TENM4: variants seen among roughly 807,000 people sequenced by gnomAD.
The protein encoded by TENM4 is teneurin-4.
In TENM4, 82 loss-of-function variants were observed where a neutral mutation model predicts 243.3. The ratio of observed to expected loss-of-function variants is 0.34; its 90% CI spans 0.28 to 0.40. TENM4 has a LOEUF of 0.40. Among genes scored for constraint, TENM4 ranks in the 10% least tolerant of loss-of-function variants. The pLI is 1.00. For missense variants in TENM4, 3,138 were observed against 3,673.3 expected, an observed-to-expected ratio of 0.85 and a Z score of 3.77; for synonymous variants, 1,412 against 1,456.3, an observed-to-expected ratio of 0.97 and a Z score of 0.69.
intron 2 of TENM4, among the ~76,000 whole-genome samples, chr11:79,222,488 A>ATAGAATGAT (rs1864181534): frequency 6.6e-6 from 1 of 152,198 alleles, no homozygotes; most frequent in Non-Finnish European, 1.5e-5. Context: ...TATCTTTATA[A>ATAGAATGAT]TAGAATGATT....
intron 4 of TENM4, among the ~76,000 whole-genome samples, chr11:79,099,066 G>A (rs529663666): frequency 1.3e-5 from 2 of 152,188 alleles, no homozygotes; most frequent in East Asian, 1.9e-4. Flanking sequence ...CCTGACTTAC[G>A]GTAACTCACC....
chr11:79,255,064 G>C lies in TENM4; in HGVS notation c.-264-39155C>G, dbSNP rs529714180. ...TCCCACTGGGCTTGTGGGGGCATGG[G>C]CAGCAGCCCCGCTGGGTGACCAGAA... On this transcript the variant is annotated intron_variant, in intron 2 of 33. Coordinates refer to ENST00000278550, the MANE Select transcript of TENM4 (RefSeq NM_001098816.3). Among the ~76,000 whole-genome samples the C allele has an allele frequency of 6.3e-4, 96 of 152,326 alleles. 2 individuals carry two copies. The highest frequency in any genetic ancestry group is 2.2e-3 in the African/African-American group (93 of 41,584).
In TENM4 at chr11:79,130,429, T is replaced by C. The variant is rs140853695; in HGVS notation, c.-66+18281A>G. 2.9e-3 allele frequency among the ~76,000 whole-genome samples: 443 copies of C among 151,118 alleles called. 3 individuals carry two copies. The highest frequency in any genetic ancestry group is 0.01 in the African/African-American group (416 of 41,076). ...AAAAAGAAGTCAGGAGGTTAGTCAT[T>C]AAGCTAATCAGGGAGGGACCAGAGA... On this transcript the variant is annotated intron_variant, in intron 4 of 33. Coordinates refer to ENST00000278550, the MANE Select transcript of TENM4 (RefSeq NM_001098816.3).
chr11:79,041,107 T>C (rs1168151853), intron 6 of TENM4, among the ~76,000 whole-genome samples: 1 of 151,896 alleles, frequency 6.6e-6, no homozygotes, highest in African/African-American at 2.4e-5. Flanking sequence ...TCTGTCACCT[T>C]GGCTGGCGTG....
intron 6 of TENM4, among the ~76,000 whole-genome samples, chr11:78,990,083 A>T (rs981818084): frequency 2.3e-4 from 35 of 151,534 alleles, no homozygotes; most frequent in Non-Finnish European, 3.4e-4. Context: ...AAAAAAGATG[A>T]TTTGGCATTT....
chr11:79,081,559 G>GTGTGTGTGTGTGTA (rs1287579507), intron 4 of TENM4, among the ~76,000 whole-genome samples: 6 of 151,602 alleles, frequency 4.0e-5, no homozygotes, highest in Non-Finnish European at 8.8e-5. Flanking sequence ...GTGTGTGTGT[G>GTGTGTGTGTGTGTA]TGCATGCACA....
At chr11:78,905,203 A>C (rs1466936272) in intron 6 of TENM4, among the ~76,000 whole-genome samples, 2 of 152,210 alleles carry the variant, frequency 1.3e-5, no homozygotes, top group East Asian at 3.8e-4. Flanking sequence ...AAGAATCAGA[A>C]AGAACAGCAA....
rs1307102945 is a variant in TENM4 at position 78,977,143 on chromosome 11, T to C, written c.494-73620A>G. 5.9e-5 allele frequency among the ~76,000 whole-genome samples: 9 copies of C among 152,208 alleles called. No homozygotes were observed. In the South Asian group the frequency reaches 1.7e-3, roughly 28 times the overall value. On this transcript the variant is annotated intron_variant, in intron 6 of 33. Transcript: ENST00000278550. ...CTGTCATCTCTGGCATTCCCTGGCT[T>C]GCAGCTGCATCACTCCAGTTTCTGC...
Position 78,874,958 on chromosome 11 carries a change from G to A in TENM4, c.1085-11826C>T, listed in dbSNP as rs111371840. ...GGAAGGGCTTTCTCCAAAGTGACAT[G>A]TTACGCCAGTGACAATCTACTCATG... On this transcript the variant is annotated intron_variant, in intron 9 of 33. Transcript: ENST00000278550. Among the ~76,000 whole-genome samples, 661 of 152,322 alleles carry A rather than the reference G, an allele frequency of 4.3e-3. 4 individuals carry two copies. Among genetic ancestry groups the A allele is most frequent in the African/African-American group, 0.015 (621 of 41,564 alleles).
intron 3 of TENM4, among the ~76,000 whole-genome samples, chr11:79,175,087 T>C (rs1156878958): frequency 6.6e-6 from 1 of 152,178 alleles, no homozygotes; most frequent in African/African-American, 2.4e-5. Flanking sequence ...TCAGACTTCT[T>C]GAACAAATAC....
intron 6 of TENM4, among the ~76,000 whole-genome samples, chr11:78,944,607 T>C (rs1002811819): frequency 6.6e-6 from 1 of 152,236 alleles, no homozygotes; most frequent in African/African-American, 2.4e-5. Flanking sequence ...GTCAGCTGGC[T>C]TCCCTTGGTC....
At chr11:79,404,688 A>C (rs1314243963) in intron 1 of TENM4, among the ~76,000 whole-genome samples, 1 of 152,220 alleles carries the variant, frequency 6.6e-6, no homozygotes, top group Non-Finnish European at 1.5e-5. Flanking sequence ...AGTCTGACAG[A>C]TAAAAGATGC....
Position 78,702,088 on chromosome 11 carries a change from C to T in TENM4, c.4525G>A (p.Ala1509Thr). 2 of 1,613,860 alleles carry T rather than the reference C, an allele frequency of 1.2e-6. No homozygotes were observed. Among genetic ancestry groups the T allele is most frequent in the Non-Finnish European group, 8.5e-7 (1 of 1,179,842 alleles). ...TSGEISLVAG[A>T]PSGCDCKNDA... ...TTTTTACAGTCACAGCCACTGGGGG[C>T]CCCAGCAACGAGTGAGATCTCTCCA... Residue 1509 changes from alanine (A) to threonine (T), a missense_variant, in exon 28 of 34, where the codon GCC (alanine) becomes ACC (threonine). Transcript: ENST00000278550.
chr11:79,150,428 A>G (rs543740844), intron 3 of TENM4, among the ~76,000 whole-genome samples: 1 of 152,144 alleles, frequency 6.6e-6, no homozygotes, highest in East Asian at 1.9e-4. Flanking sequence ...AAATTTCTTC[A>G]TCTAGCAAAC....
intron 9 of TENM4, among the ~76,000 whole-genome samples, chr11:78,880,034 GA>G (rs1210261000): frequency 6.6e-6 from 1 of 152,132 alleles, no homozygotes; most frequent in Non-Finnish European, 1.5e-5. Flanking sequence ...GCAGGGAAAA[GA>G]AAGAGAGATC....
At chr11:78,704,788 G>A (rs912374485) in intron 27 of TENM4, among the ~76,000 whole-genome samples, 4 of 152,138 alleles carry the variant, frequency 2.6e-5, no homozygotes, top group East Asian at 1.9e-4. Context: ...ATGTACATGT[G>A]GTAGTTTACC....
intron 1 of TENM4, among the ~76,000 whole-genome samples, chr11:79,321,114 T>C (rs542306749): frequency 6.6e-6 from 1 of 152,328 alleles, no homozygotes; most frequent in South Asian, 2.1e-4. Context: ...TGTACAACAT[T>C]AGACAAGTCC....
chr11:78,789,155 G>T (rs1175801896), intron 15 of TENM4, among the ~76,000 whole-genome samples: 6 of 152,146 alleles, frequency 3.9e-5, no homozygotes, highest in African/African-American at 1.4e-4. Context: ...ACTAAGGTTT[G>T]TTGGATGATG....
rs951852306 is a variant in TENM4 at position 78,738,349 on chromosome 11, C to T, written c.2876+102G>A. 1.9e-4 allele frequency: 273 copies of T among 1,464,474 alleles called. 2 individuals are homozygous for T. The highest frequency in any genetic ancestry group is 2.5e-5 in the Non-Finnish European group (28 of 1,098,484). The allele number at this position is 1,464,474 out of a possible 1,614,324, so 90.7% of individuals were successfully genotyped here. A position where few individuals can be genotyped will look rare whatever the true frequency, so the allele number is the denominator to read the frequency against. Reference sequence around the variant, plus strand: ...CATTTGAATTCAGGCCCTCTGAATCCAAGACCCATCCTCTTTCCACATTAT... The same window carrying T: ...CATTTGAATTCAGGCCCTCTGAATCTAAGACCCATCCTCTTTCCACATTAT... On this transcript the variant is annotated intron_variant, in intron 20 of 33. Transcript: ENST00000278550.
Sources: gnomAD v4.1 joint callset for allele counts (sites outside exome capture counted in the v4.1 genomes callset) on GRCh38, gnomAD v4.1.1 for gene constraint, MANE v1.5 for transcripts, NCBI Gene and HGNC (gene_info 2026-07-23, HGNC 2026-07-21) for gene names.